LSAMP: variants seen among roughly 807,000 people sequenced by gnomAD.
The protein encoded by LSAMP is limbic system associated membrane protein, also known as limbic system-associated membrane protein.
LSAMP carries 7 observed loss-of-function variants against 38.6 expected under a neutral mutation model. That is an observed-to-expected ratio of 0.18 (90% CI 0.10 to 0.34). The LOEUF is 0.34. Among genes scored for constraint, LSAMP ranks in the 10% least tolerant of loss-of-function variants. The pLI, the probability that LSAMP is intolerant of heterozygous loss-of-function variation, is 1.00. For synonymous variants in LSAMP, 154 were observed against 166.8 expected (o/e 0.92, Z 0.59); for missense variants, 313 against 420.0 (o/e 0.75, Z 2.23).
intron 2 of LSAMP, among the ~76,000 whole-genome samples, chr3:116,023,597 TC>T (rs1203618290): frequency 9.4e-6 from 1 of 106,312 alleles, no homozygotes; most frequent in East Asian, 2.8e-4. Context: ...AGAGCGAGAC[TC>T]CGTCTCAAAA....
intron 6 of LSAMP, among the ~76,000 whole-genome samples, chr3:115,818,690 T>C (rs963874647): frequency 6.1e-5 from 9 of 147,418 alleles, no homozygotes; most frequent in Non-Finnish European, 1.3e-4. Context: ...GAGAGAAAAA[T>C]ACATCTTAAC....
At chr3:116,023,642 G>A (rs1940702265) in intron 2 of LSAMP, among the ~76,000 whole-genome samples, 1 of 148,912 alleles carries the variant, frequency 6.7e-6, no homozygotes, top group South Asian at 2.1e-4. Context: ...TTTGCCTCTA[G>A]CCTTCCTCTC....
At chr3:116,285,687 A>C (rs771939391) in intron 1 of LSAMP, among the ~76,000 whole-genome samples, 1 of 152,216 alleles carries the variant, frequency 6.6e-6, no homozygotes, top group Admixed American at 6.5e-5. Context: ...CTTTGCTTCC[A>C]AACTGTGGCA....
intron 3 of LSAMP, among the ~76,000 whole-genome samples, chr3:115,918,027 G>GC (rs1559880410): frequency 6.6e-6 from 1 of 152,126 alleles, no homozygotes; most frequent in African/African-American, 2.4e-5. Flanking sequence ...AGAAATCGGG[G>GC]CCAGTGCTGT....
intron 1 of LSAMP, among the ~76,000 whole-genome samples, chr3:116,199,626 G>T (rs2045962712): frequency 6.6e-6 from 1 of 152,166 alleles, no homozygotes; most frequent in Admixed American, 6.5e-5. Context: ...AGGCAAATGT[G>T]TAGGCGAGAA....
chr3:116,230,709 C>T (rs1202726640), intron 1 of LSAMP, among the ~76,000 whole-genome samples: 1 of 152,106 alleles, frequency 6.6e-6, no homozygotes. Context: ...TGCCTCAGCT[C>T]CTTGGAACCC....
At chr3:115,963,810 G>A (rs77000745) in intron 3 of LSAMP, among the ~76,000 whole-genome samples, 1 of 152,080 alleles carries the variant, frequency 6.6e-6, no homozygotes, top group Non-Finnish European at 1.5e-5. Flanking sequence ...CTGGAGTGCA[G>A]TGGCACAATC....
At chr3:115,887,951 T>C (rs1936498013) in intron 3 of LSAMP, among the ~76,000 whole-genome samples, 2 of 151,954 alleles carry the variant, frequency 1.3e-5, no homozygotes. Flanking sequence ...ATCAAACTAT[T>C]GACGGGCAGT....
At chr3:116,028,066 T>C (rs369159425) in intron 2 of LSAMP, among the ~76,000 whole-genome samples, 5 of 152,160 alleles carry the variant, frequency 3.3e-5, no homozygotes, top group Admixed American at 1.3e-4. Flanking sequence ...CCCTGTTTAT[T>C]TGCATATGTC....
intron 1 of LSAMP, among the ~76,000 whole-genome samples, chr3:116,173,780 AT>A (rs370992162): frequency 4.3e-3 from 118 of 27,514 alleles, no homozygotes; most frequent in African/African-American, 0.014. Flanking sequence ...AGGGGAAAAC[AT>A]TTTTTTTTTT....
chr3:116,229,067 T>A (rs1187032382), intron 1 of LSAMP, among the ~76,000 whole-genome samples: 1 of 152,148 alleles, frequency 6.6e-6, no homozygotes, highest in African/African-American at 2.4e-5. Context: ...TTTTCTTTAT[T>A]TTTTGAAGTA....
intron 1 of LSAMP, among the ~76,000 whole-genome samples, chr3:116,223,741 C>T (rs2046314156): frequency 6.6e-6 from 1 of 152,078 alleles, no homozygotes; most frequent in Non-Finnish European, 1.5e-5. Context: ...TGCCAAGTTC[C>T]CTAATGACAG....
intron 1 of LSAMP, among the ~76,000 whole-genome samples, chr3:116,343,032 G>C (rs1576145389): frequency 6.6e-6 from 1 of 151,986 alleles, no homozygotes; most frequent in East Asian, 1.9e-4. Flanking sequence ...ATACAGTTTA[G>C]GAACAAAGTA....
At chr3:116,300,206 A>G (rs909771475) in intron 1 of LSAMP, among the ~76,000 whole-genome samples, 9 of 152,178 alleles carry the variant, frequency 5.9e-5, no homozygotes, top group Admixed American at 5.2e-4. Flanking sequence ...ACATTCATTT[A>G]GCAGAGAGGT....
rs76215752 is a variant in LSAMP, at chr3:116,134,613, G to T, written c.156-48057C>A. Among the ~76,000 whole-genome samples the T allele has an allele frequency of 5.1e-3, 780 of 152,282 alleles. 6 individuals are homozygous for T. The highest frequency in any genetic ancestry group is 0.014 in the South Asian group (68 of 4,826). On this transcript the variant is annotated intron_variant, in intron 1 of 6. Transcript: ENST00000490035. ...GCTCTTGCAGTTCCCTTTGCTTCAT[G>T]TGTTCGTCCACCATCTTCCTCAATA...
intron 1 of LSAMP, among the ~76,000 whole-genome samples, chr3:116,247,344 C>T (rs2046617756): frequency 6.6e-6 from 1 of 152,086 alleles, no homozygotes; most frequent in Admixed American, 6.5e-5. Context: ...CTGTCCAGCC[C>T]TTTTTCAATA....
chr3:116,226,674 TTC>T (rs1385753468), intron 1 of LSAMP, among the ~76,000 whole-genome samples: 1 of 152,252 alleles, frequency 6.6e-6, no homozygotes. Context: ...AGGGTTATTG[TTC>T]TCTCTTTGTT....
rs1316303579 is a variant in LSAMP at position 116,305,863 on chromosome 3, G to T, written c.155+139014C>A. Among the ~76,000 whole-genome samples, 8 of 150,966 alleles carry T rather than the reference G, an allele frequency of 5.3e-5. 1 individual carries two copies. In the South Asian group the frequency reaches 1.3e-3, roughly 24 times the overall value. ...AATAAGAAACTTCTCTCATTCCCCA[G>T]TCTGAGATAATCTGAACTTCTTCAG... On this transcript the variant is annotated intron_variant, in intron 1 of 6. Transcript: ENST00000490035.
At chr3:116,045,495 T>C (rs1920383) in intron 2 of LSAMP, among the ~76,000 whole-genome samples, 67,678 of 139,598 alleles carry the variant, frequency 0.48, 16,973 homozygotes, top group African/African-American at 0.69. Flanking sequence ...AAAAAAAGTA[T>C]ATAACCACAG....
Sources: gnomAD v4.1 joint callset for allele counts (sites outside exome capture counted in the v4.1 genomes callset) on GRCh38, gnomAD v4.1.1 for gene constraint, MANE v1.5 for transcripts, NCBI Gene and HGNC (gene_info 2026-07-23, HGNC 2026-07-21) for gene names.